Variants in UNC79 observed in about 807,000 individuals in gnomAD.
UNC79 encodes the protein unc-79 subunit of NALCN channel complex.
A neutral mutation model predicts 283.1 loss-of-function variants in UNC79; 37 were observed. That is an observed-to-expected ratio of 0.13 (90% confidence interval 0.10 to 0.17). UNC79 has a LOEUF of 0.17. Among genes scored for constraint, UNC79 ranks in the 10% least tolerant of loss-of-function variants. The pLI, the probability that UNC79 is intolerant of heterozygous loss-of-function variation, is 1.00. For missense variants in UNC79, 2,272 were observed against 3,211.1 expected, an observed-to-expected ratio of 0.71 and a Z score of 7.07; for synonymous variants, 1,107 against 1,200.2, an observed-to-expected ratio of 0.92 and a Z score of 1.61.
chr14:93,651,821 C>A (rs542360725), intron 35 of UNC79, among the ~76,000 whole-genome samples: 65 of 151,656 alleles, frequency 4.3e-4, no homozygotes, highest in Non-Finnish European at 6.8e-4. Context: ...CTCACAGCAA[C>A]CTCTGCCTCC....
Position 93,630,794 on chromosome 14 carries a change from T to C in UNC79, c.5609-7T>C. On this transcript the variant is annotated splice_region_variant and splice_polypyrimidine_tract_variant and intron_variant, in intron 30 of 48. Coordinates refer to ENST00000555664, the Ensembl canonical transcript of UNC79. ...TCCTGAGTTTTAAATAATATTTCTG[T>C]TTGTAGATCCTTCTACTAAAGGACT... The C allele has an allele frequency of 6.2e-7, 1 of 1,611,784 alleles. No individual in the cohort carries two copies. The highest frequency in any genetic ancestry group is 8.5e-7 in the Non-Finnish European group (1 of 1,177,968).
intron 40 of UNC79, among the ~76,000 whole-genome samples, chr14:93,667,939 T>C (rs1396420742): frequency 6.6e-6 from 1 of 152,104 alleles, no homozygotes; most frequent in Non-Finnish European, 1.5e-5. Flanking sequence ...TGCAAGAAAA[T>C]AATTTTTTGT....
intron 1 of UNC79, among the ~76,000 whole-genome samples, chr14:93,391,866 C>T (rs576737600): frequency 6.6e-6 from 1 of 152,286 alleles, no homozygotes; most frequent in African/African-American, 2.4e-5. Context: ...GAGAAATGCT[C>T]AACTCAGTAA....
chr14:93,450,274 G>A (rs1021843683), intron 1 of UNC79, among the ~76,000 whole-genome samples: 4 of 152,148 alleles, frequency 2.6e-5, no homozygotes, highest in African/African-American at 9.7e-5. Context: ...AGTGTCCTTA[G>A]CTGTTTGAGG....
At chr14:93,577,905 C>G (rs1413221756) in exon 18 of UNC79, 2 of 1,614,182 alleles carry the variant, frequency 1.2e-6, no homozygotes, top group South Asian at 1.1e-5. Flanking sequence ...ATTTCATAGT[C>G]CTTTCCAGAG....
exon 29 of UNC79, chr14:93,618,275 T>C (rs771634989): frequency 6.2e-7 from 1 of 1,614,088 alleles, no homozygotes; most frequent in Non-Finnish European, 8.5e-7. Context: ...CGCAGTATCA[T>C]AGCTGCAAGC....
intron 1 of UNC79, among the ~76,000 whole-genome samples, chr14:93,394,321 A>G (rs2054943957): frequency 6.7e-6 from 1 of 149,516 alleles, no homozygotes; most frequent in South Asian, 2.1e-4. Flanking sequence ...GCATCAACAC[A>G]GGTTTTTAAT....
chr14:93,571,884 A>G lies in UNC79; in HGVS notation c.1756-10A>G, dbSNP rs764378329. On this transcript the variant is annotated splice_polypyrimidine_tract_variant and intron_variant, in intron 14 of 48. Transcript: ENST00000555664. Reference sequence around the variant, plus strand: ...ATTCTTTTCCCCTGTGGCTATGGAAACCTCTTCAGGTTGGTGGCTACTGGG... The same window carrying G: ...ATTCTTTTCCCCTGTGGCTATGGAAGCCTCTTCAGGTTGGTGGCTACTGGG... 6.2e-7 allele frequency: 1 copy of G among 1,613,576 alleles called. No individual in the cohort carries two copies. Among genetic ancestry groups the G allele is most frequent in the Non-Finnish European group, 8.5e-7 (1 of 1,179,768 alleles).
chr14:93,471,874 T>C (rs987031684), intron 2 of UNC79, among the ~76,000 whole-genome samples: 3 of 152,072 alleles, frequency 2.0e-5, no homozygotes, highest in Non-Finnish European at 4.4e-5. Flanking sequence ...GAACCCCACA[T>C]ATACAGGAAG....
In UNC79 at chr14:93,636,910, T is replaced by C. The variant is rs534247037; in HGVS notation, c.5717-306T>C. On this transcript the variant is annotated intron_variant, in intron 31 of 48. Transcript: ENST00000555664. The stretch of plus-strand genomic sequence containing the variant: ...ATGGCTGTGATATTAGCCTTTCGTT[T>C]CCTATCTGGAGATATGAGATTTGAA... Among the ~76,000 whole-genome samples the C allele has an allele frequency of 4.4e-4, 67 of 152,302 alleles. 1 individual carries two copies. The highest frequency in any genetic ancestry group is 4.4e-3 in the Admixed American group (67 of 15,294).
At chr14:93,705,055 C>T (rs1212068801) in intron 48 of UNC79, among the ~76,000 whole-genome samples, 13 of 151,918 alleles carry the variant, frequency 8.6e-5, no homozygotes, top group South Asian at 4.2e-4. Flanking sequence ...GGCAACATAG[C>T]GAGACCCCAT....
chr14:93,587,053 T>C, intron 22 of UNC79, 145 bp downstream of exon 22: 1 of 985,978 alleles, frequency 1.0e-6, no homozygotes. Context: ...ACTTTTATTT[T>C]TCTTTTTTAG....
upstream of UNC79, among the ~76,000 whole-genome samples, chr14:93,426,830 TG>T (rs2055742266): frequency 6.6e-6 from 1 of 152,128 alleles, no homozygotes; most frequent in Non-Finnish European, 1.5e-5. Context: ...TGATAACATC[TG>T]GATCATCTTG....
chr14:93,522,930 A>G (rs957382668), intron 7 of UNC79, among the ~76,000 whole-genome samples: 1 of 152,134 alleles, frequency 6.6e-6, no homozygotes, highest in Non-Finnish European at 1.5e-5. Context: ...AAATTTTCTA[A>G]AGTGTTTGGA....
exon 49 of UNC79, chr14:93,706,839 C>G (rs2075913758): frequency 6.2e-7 from 1 of 1,614,124 alleles, no homozygotes; most frequent in African/African-American, 1.3e-5. Context: ...GCAGTGCACT[C>G]AGTTCAAAAT....
intron 29 of UNC79, among the ~76,000 whole-genome samples, chr14:93,618,678 T>G (rs1421999483): frequency 1.3e-5 from 2 of 152,252 alleles, no homozygotes; most frequent in East Asian, 3.8e-4. Context: ...AAAATAAGTC[T>G]TGGTTGGCAC....
At chr14:93,540,897 A>G in intron 13 of UNC79, 66 bp downstream of exon 13, 2 of 1,596,038 alleles carry the variant, frequency 1.3e-6, no homozygotes, top group Non-Finnish European at 1.7e-6. Flanking sequence ...ACTGAAGAGG[A>G]ATTTCTCCTG....
chr14:93,569,207 G>A (rs909382751), intron 14 of UNC79, among the ~76,000 whole-genome samples: 5 of 152,126 alleles, frequency 3.3e-5, no homozygotes, highest in Non-Finnish European at 5.9e-5. Context: ...AGGCCAAGGC[G>A]GGCAGACTGC....
intron 22 of UNC79, among the ~76,000 whole-genome samples, chr14:93,591,981 A>G (rs2064717277): frequency 1.3e-5 from 2 of 152,134 alleles, no homozygotes; most frequent in Non-Finnish European, 2.9e-5. Context: ...ATGATTTCAT[A>G]CTGCGTCTTT....
Sources: gnomAD v4.1 joint callset for allele counts (sites outside exome capture counted in the v4.1 genomes callset) on GRCh38, gnomAD v4.1.1 for gene constraint, MANE v1.5 for transcripts, NCBI Gene and HGNC (gene_info 2026-07-23, HGNC 2026-07-21) for gene names.